MDN1: variants seen among roughly 807,000 people sequenced by gnomAD.
MDN1 encodes the protein midasin AAA ATPase 1, also known as midasin.
A neutral mutation model predicts 669.2 loss-of-function variants in MDN1; 266 were observed. The ratio of observed to expected loss-of-function variants is 0.40; its 90% confidence interval spans 0.36 to 0.44. The LOEUF (loss-of-function observed/expected upper bound fraction) is 0.44. Ranked by LOEUF, MDN1 falls within the 20% of genes least tolerant of loss-of-function variation. MDN1 has a pLI of 1.00. For synonymous variants in MDN1, 2,385 were observed against 2,457.1 expected (o/e 0.97, Z 0.87); for missense variants, 5,940 against 6,754.0 (o/e 0.88, Z 4.22).
intron 8 of MDN1, among the ~76,000 whole-genome samples, chr6:89,787,192 T>G (rs892991675): frequency 6.6e-6 from 1 of 152,124 alleles, no homozygotes; most frequent in Non-Finnish European, 1.5e-5. Flanking sequence ...ATATAATCAT[T>G]AACTATAGAA....
At chr6:89,716,622 G>T in intron 44 of MDN1, 28 bp downstream of exon 44, 2 of 1,577,150 alleles carry the variant, frequency 1.3e-6, no homozygotes, top group South Asian at 2.4e-5. Context: ...TTTCAAGTTG[G>T]ACCACTGATT....
intron 79 of MDN1, 22 bp downstream of exon 79, chr6:89,674,082 G>A (rs1308144904): frequency 1.2e-6 from 2 of 1,610,214 alleles, no homozygotes; most frequent in Non-Finnish European, 1.7e-6. Context: ...ACAGAGAAGT[G>A]TAAAGACATA....
rs1016134934 is a variant in MDN1 at position 89,730,598 on chromosome 6, A to G, written c.5140+128T>C. 1.1e-5 allele frequency: 8 copies of G among 720,234 alleles called. No individual in the cohort carries two copies. In the Admixed American group the frequency reaches 1.2e-4, roughly 11 times the overall value. The allele number at this position is 720,234 out of a possible 1,614,324, so 44.6% of individuals were successfully genotyped here. On this transcript the variant is annotated intron_variant, in intron 35 of 101. Coordinates refer to ENST00000369393, the MANE Select transcript of MDN1 (RefSeq NM_014611.3). ...ATTCACACAATTATGGTTATTCTCA[A>G]GTCAGAATCTAACTCAGTTAGTGCA...
intron 94 of MDN1, 36 bp from the exon 95 acceptor site, chr6:89,652,317 G>A (rs1808934854): frequency 6.4e-7 from 1 of 1,569,516 alleles, no homozygotes; most frequent in South Asian, 1.1e-5. Flanking sequence ...AGGTGGCCCA[G>A]GTTGGAATCA....
At chr6:89,815,075 A>G (rs1768726689) in intron 1 of MDN1, 1 of 462,594 alleles carries the variant, frequency 2.2e-6, no homozygotes, top group African/African-American at 2.0e-5. Flanking sequence ...TGTCTCCCCA[A>G]CTCACAGCCT....
intron 31 of MDN1, among the ~76,000 whole-genome samples, chr6:89,741,974 GCCTGTAGT>G (rs1475816905): frequency 6.6e-6 from 1 of 151,334 alleles, no homozygotes; most frequent in African/African-American, 2.4e-5. Flanking sequence ...GGTGACACAT[GCCTGTAGT>G]CCCAGCTACA....
At chr6:89,768,152 T>G (rs917985307) in intron 15 of MDN1, among the ~76,000 whole-genome samples, 8 of 152,180 alleles carry the variant, frequency 5.3e-5, no homozygotes, top group Admixed American at 3.9e-4. Flanking sequence ...GGAGGACTAC[T>G]TGATCTCAGG....
Position 89,679,941 on chromosome 6 carries a change from G to A in MDN1, c.12265+648C>T, listed in dbSNP as rs566864693. 2.6e-4 allele frequency among the ~76,000 whole-genome samples: 39 copies of A among 152,288 alleles called. No homozygotes were observed. The South Asian group carries it at 7.5e-3, about 29-fold the overall frequency. On this transcript the variant is annotated intron_variant, in intron 74 of 101. Coordinates refer to ENST00000369393, the MANE Select transcript of MDN1 (RefSeq NM_014611.3). The stretch of plus-strand genomic sequence containing the variant: ...TAGGCCTGAGTCACCTTGAGCAACG[G>A]CTGACAAGTTTTAAAAAGGAAGAGC...
At chr6:89,768,748 A>G (rs930996358) in intron 15 of MDN1, among the ~76,000 whole-genome samples, 8 of 152,106 alleles carry the variant, frequency 5.3e-5, no homozygotes, top group Non-Finnish European at 1.2e-4. Context: ...CCCCAAAAAA[A>G]GAGTTAAAAT....
intron 12 of MDN1, among the ~76,000 whole-genome samples, chr6:89,776,022 A>T (rs1035206782): frequency 2.6e-4 from 39 of 152,192 alleles, no homozygotes; most frequent in African/African-American, 9.2e-4. Flanking sequence ...GAAAATAATA[A>T]AAAAGATGGA....
Position 89,668,137 on chromosome 6 carries a change from G to A in MDN1, c.13971C>T (p.Pro4657=), listed in dbSNP as rs778799181. Residue 4657 remains proline, a synonymous_variant, in exon 84 of 102, where the codon CCC becomes CCT. Transcript: ENST00000369393. ...CAGCTGAATCTTCCATAAATTCTTTGGGCAAGCAAAATCCCTTAGAAAAAA... is the reference window on the plus strand; with the variant it reads ...CAGCTGAATCTTCCATAAATTCTTTAGGCAAGCAAAATCCCTTAGAAAAAA... ...TELAQKGFCL[P]KEFMEDSAGE... is the part of the protein sequence containing the mutation. 7.4e-6 allele frequency: 12 copies of A among 1,613,820 alleles called. No individual in the cohort carries two copies. The South Asian group carries it at 9.9e-5, about 13-fold the overall frequency.
At chr6:89,767,375 GAC>G (rs1367421952) in intron 15 of MDN1, among the ~76,000 whole-genome samples, 2 of 152,116 alleles carry the variant, frequency 1.3e-5, no homozygotes, top group Non-Finnish European at 2.9e-5. Context: ...AAGAGCAAAA[GAC>G]AATTTGCTAT....
At chr6:89,802,378 C>T (rs1160491885) in intron 2 of MDN1, among the ~76,000 whole-genome samples, 1 of 152,144 alleles carries the variant, frequency 6.6e-6, no homozygotes, top group Non-Finnish European at 1.5e-5. Flanking sequence ...ATAAATAAAA[C>T]ACTGGATATA....
At position 89,672,559 on chromosome 6, in the gene MDN1, G is replaced by A; in HGVS notation, c.13618C>T (p.Gln4540Ter). Residue 4540 changes from glutamine to a stop codon, truncating the protein, a stop_gained, in exon 81 of 102, where the codon CAA becomes TAA. Coordinates refer to ENST00000369393, the MANE Select transcript of MDN1 (RefSeq NM_014611.3). LOFTEE classifies it high-confidence loss of function. ...AEENTDQASP[Q>*]EDYAGFERLQ... ...ATTTCAGACATACCATAATCTTCTT[G>A]TGGGCTTGCTTGGTCAGTGTTCTCC... 1 of 1,612,838 alleles carries A rather than the reference G, an allele frequency of 6.2e-7. No individual in the cohort carries two copies. Among genetic ancestry groups the A allele is most frequent in the Non-Finnish European group, 8.5e-7 (1 of 1,179,598 alleles).
intron 33 of MDN1, among the ~76,000 whole-genome samples, chr6:89,735,396 T>G (rs1815906081): frequency 2.1e-5 from 3 of 141,034 alleles, no homozygotes; most frequent in African/African-American, 8.0e-5. Context: ...TTTAAAGAGA[T>G]GGGGTCTCAC....
chr6:89,660,581 G>A (rs1394434211), intron 88 of MDN1, among the ~76,000 whole-genome samples: 2 of 151,572 alleles, frequency 1.3e-5, no homozygotes, highest in Non-Finnish European at 2.9e-5. Flanking sequence ...TTTAAAAGCA[G>A]ACAGCATATT....
chr6:89,653,068 T>A lies in MDN1; in HGVS notation c.15749A>T (p.Glu5250Val). ...PRTDKAHKET[E>V]NEKPERSRES... ...TCGGCTTCTTTCTGGTTTCTCATTT[T>A]CTGTCTCCTTATGGGCTTTGTCTGT... Residue 5250 changes from glutamate (E) to valine (V), a missense_variant, in exon 94 of 102, where the codon GAA becomes GTA. Glu to Val is a moderately radical substitution (Grantham distance 121). Around this residue, in one of 5 missense-constraint regions of MDN1, gnomAD observed 2,280 missense variants for 2,576.3 expected, o/e 0.88. Coordinates refer to ENST00000369393, the MANE Select transcript of MDN1 (RefSeq NM_014611.3). 2 of 1,614,194 alleles carry A rather than the reference T, an allele frequency of 1.2e-6. No homozygotes were observed. Among genetic ancestry groups the A allele is most frequent in the Non-Finnish European group, 1.7e-6 (2 of 1,180,034 alleles).
chr6:89,718,314 A>C (rs1244335075), intron 43 of MDN1, 52 bp downstream of exon 43: 1 of 1,526,272 alleles, frequency 6.6e-7, no homozygotes, highest in Non-Finnish European at 9.0e-7. Context: ...GTGTAAATGG[A>C]CACAATATAA....
At chr6:89,798,181 CA>C (rs10706907) in intron 2 of MDN1, among the ~76,000 whole-genome samples, 22,449 of 71,502 alleles carry the variant, frequency 0.31, 1,222 homozygotes, top group African/African-American at 0.35. Context: ...GACTCTGTCT[CA>C]AAAAAAAAAA....
Sources: gnomAD v4.1 joint callset for allele counts (sites outside exome capture counted in the v4.1 genomes callset) on GRCh38, gnomAD v4.1.1 for gene constraint, gnomAD v4.1.1 regional missense constraint, MANE v1.5 for transcripts, NCBI Gene and HGNC (gene_info 2026-07-23, HGNC 2026-07-21) for gene names.